The following SLC7A7 variants were observed in gnomAD, a reference collection of about 807,000 sequenced individuals.
SLC7A7 encodes the protein solute carrier family 7 member 7, also known as Y+L amino acid transporter 1.
In SLC7A7, 39 loss-of-function variants were observed where a neutral mutation model predicts 47.9. That is an observed-to-expected ratio of 0.81 (90% CI 0.63 to 1.06). The LOEUF is 1.06. Ranked by LOEUF, SLC7A7 falls within the 50% of genes least tolerant of loss-of-function variation. The pLI, the probability that SLC7A7 is intolerant of heterozygous loss-of-function variation, is 0.00. For synonymous variants in SLC7A7, 234 were observed against 242.8 expected (o/e 0.96, Z 0.34); for missense variants, 588 against 632.0 (o/e 0.93, Z 0.75).
rs563805756 is a variant in SLC7A7 at position 22,777,251 on chromosome 14, G to A, written c.771-933C>T. On this transcript the variant is annotated intron_variant, in intron 4 of 9. Transcript: ENST00000674313. The stretch of plus-strand genomic sequence containing the variant: ...AGGTTGTTTTGTTTTATACCCCAAA[G>A]ATCTTTTGGTGTCAGGATTCCATCT... Among the ~76,000 whole-genome samples the A allele has an allele frequency of 3.3e-5, 5 of 150,970 alleles. No homozygotes were observed. In the East Asian group the frequency reaches 5.9e-4, roughly 18 times the overall value.
chr14:22,774,104 A>G lies in SLC7A7; in HGVS notation c.1258T>C (p.Phe420Leu). 1.2e-6 allele frequency: 2 copies of G among 1,614,232 alleles called. No homozygotes were observed. Among genetic ancestry groups the G allele is most frequent in the Non-Finnish European group, 1.7e-6 (2 of 1,180,036 alleles). Reference sequence around the variant, plus strand: ...GTGCAGAGGCAGAAGACAATCGGGAAGAAAACGCTGAGCTAAGGGCACAGG... The same window carrying G: ...GTGCAGAGGCAGAAGACAATCGGGAGGAAAACGCTGAGCTAAGGGCACAGG... ...RPRPLKLSVFFPIVFCLCTIF... is the reference protein window; with the variant it reads ...RPRPLKLSVFLPIVFCLCTIF... The change falls in exon 9 of 10, where the codon TTC becomes CTC. Residue 420 changes from phenylalanine (F) to leucine (L), a missense_variant. Coordinates refer to ENST00000674313, the MANE Select transcript of SLC7A7 (RefSeq NM_003982.4).
chr14:22,803,480 C>A (rs1450575525), intron 2 of SLC7A7, among the ~76,000 whole-genome samples: 1 of 152,152 alleles, frequency 6.6e-6, no homozygotes, highest in Non-Finnish European at 1.5e-5. Flanking sequence ...TACGATAGGT[C>A]TCTAGTAAGG....
chr14:22,818,726 TG>T (rs2039439749), upstream of SLC7A7, among the ~76,000 whole-genome samples: 1 of 151,976 alleles, frequency 6.6e-6, no homozygotes, highest in African/African-American at 2.4e-5. Context: ...CCCAAGTAGC[TG>T]GGATTACAGG....
intron 2 of SLC7A7, among the ~76,000 whole-genome samples, chr14:22,792,775 TTG>T (rs1394884152): frequency 6.7e-6 from 1 of 150,162 alleles, no homozygotes; most frequent in Non-Finnish European, 1.5e-5. Context: ...GAGAATCATT[TTG>T]AACCCAGGAG....
upstream of SLC7A7, chr14:22,817,411 C>G (rs1206785876): frequency 1.9e-5 from 3 of 160,764 alleles, no homozygotes; most frequent in Admixed American, 1.3e-4. Flanking sequence ...GCAATCTCGG[C>G]TCACTGCAAC....
intron 2 of SLC7A7, among the ~76,000 whole-genome samples, chr14:22,795,346 G>T (rs916682958): frequency 6.7e-6 from 1 of 149,984 alleles, no homozygotes. Flanking sequence ...TAGGATTACA[G>T]GTGTGAGCCA....
Position 22,773,940 on chromosome 14 carries a change from C to T in SLC7A7, c.1422G>A (p.Arg474=). The T allele has an allele frequency of 6.2e-7, 1 of 1,614,110 alleles. No homozygotes were observed. Among genetic ancestry groups the T allele is most frequent in the Non-Finnish European group, 8.5e-7 (1 of 1,180,036 alleles). ...PEHKRPLYLR[R]IVGSATRYLQ... is the part of the protein sequence containing the mutation. ...TAAGGATGCACGGCTTACCCACGAT[C>T]CTTCGGAGGTAAAGCGGTCGCTTAT... The change falls in exon 9 of 10, where the codon AGG becomes AGA. Residue 474 remains arginine, a synonymous_variant. Transcript: ENST00000674313.
At chr14:22,778,736 G>A in intron 4 of SLC7A7, 57 bp downstream of exon 4, 1 of 1,588,720 alleles carries the variant, frequency 6.3e-7, no homozygotes, top group Admixed American at 1.7e-5. Flanking sequence ...GCACGTAGTA[G>A]GAGCTCATTA....
chr14:22,787,638 C>T (rs2038841091), intron 2 of SLC7A7, among the ~76,000 whole-genome samples: 1 of 151,834 alleles, frequency 6.6e-6, no homozygotes, highest in South Asian at 2.1e-4. Context: ...CGCCTGTGGT[C>T]CCAGCTACTC....
At chr14:22,809,542 C>A (rs920442978) in intron 2 of SLC7A7, among the ~76,000 whole-genome samples, 2 of 152,068 alleles carry the variant, frequency 1.3e-5, no homozygotes, top group Admixed American at 1.3e-4. Flanking sequence ...GGGGTTTCAC[C>A]ATGTTGGCCA....
intron 2 of SLC7A7, among the ~76,000 whole-genome samples, chr14:22,805,589 A>G (rs907313170): frequency 3.9e-5 from 6 of 152,104 alleles, no homozygotes; most frequent in African/African-American, 1.4e-4. Flanking sequence ...AATGCGGGGG[A>G]AGAACAACAC....
chr14:22,783,761 A>G (rs2038763300), intron 2 of SLC7A7, among the ~76,000 whole-genome samples: 2 of 151,842 alleles, frequency 1.3e-5, no homozygotes, highest in Non-Finnish European at 2.9e-5. Context: ...GTCCACCAGT[A>G]TCCCACCTCC....
chr14:22,778,341 C>G (rs1013007423), intron 4 of SLC7A7, among the ~76,000 whole-genome samples: 1 of 152,020 alleles, frequency 6.6e-6, no homozygotes, highest in Non-Finnish European at 1.5e-5. Flanking sequence ...GGTAGGGTGA[C>G]TTAATTGAAT....
chr14:22,785,886 G>T (rs942461655), intron 2 of SLC7A7, among the ~76,000 whole-genome samples: 6 of 151,982 alleles, frequency 3.9e-5, no homozygotes, highest in African/African-American at 1.5e-4. Context: ...GCCGGGTGTG[G>T]TGGCAGGCGC....
intron 3 of SLC7A7, among the ~76,000 whole-genome samples, chr14:22,779,285 T>G (rs2139395706): frequency 6.6e-6 from 1 of 152,218 alleles, no homozygotes; most frequent in Non-Finnish European, 1.5e-5. Flanking sequence ...CCTATCACAA[T>G]CTGCCAAAGG....
At chr14:22,777,180 G>GATTAACA (rs1353406666) in intron 4 of SLC7A7, among the ~76,000 whole-genome samples, 20 of 150,882 alleles carry the variant, frequency 1.3e-4, no homozygotes, top group African/African-American at 3.9e-4. Context: ...GGGCGGGGGG[G>GATTAACA]ATTAACAAAG....
chr14:22,780,782 TTC>T, intron 2 of SLC7A7, among the ~76,000 whole-genome samples: 1 of 152,326 alleles, frequency 6.6e-6, no homozygotes, highest in Non-Finnish European at 1.5e-5. Context: ...AGGCTCGAAA[TTC>T]TCTTTCAAAG....
chr14:22,788,015 G>A (rs961637015), intron 2 of SLC7A7, among the ~76,000 whole-genome samples: 1 of 148,874 alleles, frequency 6.7e-6, no homozygotes. Flanking sequence ...GGCGGTTGCA[G>A]TGAGCCGAGA....
Position 22,813,370 on chromosome 14 carries a change from G to A in SLC7A7, c.29C>T (p.Ala10Val), listed in dbSNP as rs774584016. ...GGAGGTTTCCACCTCAGGCTGGGAGGCCACTTCATACTCAGTGCTGTCAAC... is the reference window on the plus strand; with the variant it reads ...GGAGGTTTCCACCTCAGGCTGGGAGACCACTTCATACTCAGTGCTGTCAAC... Reference protein sequence around the residue: MVDSTEYEVASQPEVETSPL... With the variant: MVDSTEYEVVSQPEVETSPL... The change falls in exon 2 of 10, where the codon GCC becomes GTC. Residue 10 changes from alanine (A) to valine (V), a missense_variant. Coordinates refer to ENST00000674313, the MANE Select transcript of SLC7A7 (RefSeq NM_003982.4). 10 of 1,613,128 alleles carry A rather than the reference G, an allele frequency of 6.2e-6. No individual in the cohort carries two copies. In the African/African-American group the frequency reaches 1.1e-4, roughly 17 times the overall value.
Sources: allele counts gnomAD v4.1 joint callset (sites outside exome capture counted in the v4.1 genomes callset), GRCh38; gene constraint gnomAD v4.1.1; transcripts MANE v1.5; gene names NCBI Gene and HGNC (gene_info 2026-07-23, HGNC 2026-07-21).